Variants in SLIT3 observed in about 807,000 individuals in gnomAD.
SLIT3 encodes the protein slit guidance ligand 3.
In SLIT3, 68 loss-of-function variants were observed where a neutral mutation model predicts 184.0. The observed-to-expected ratio is 0.37, with a 90% CI of 0.30 to 0.45. The LOEUF (loss-of-function observed/expected upper bound fraction) is 0.45. SLIT3 is among the 20% of genes least tolerant of loss of function. The pLI is 1.00. For synonymous variants in SLIT3, 831 were observed against 828.6 expected (o/e 1.00, Z -0.05); for missense variants, 1,707 against 2,026.0 (o/e 0.84, Z 3.02).
At chr5:168,971,515 T>G (rs1189520491) in intron 4 of SLIT3, among the ~76,000 whole-genome samples, 1 of 152,218 alleles carries the variant, frequency 6.6e-6, no homozygotes, top group Non-Finnish European at 1.5e-5. Flanking sequence ...GATCTGCCCC[T>G]TCCCACTCCC....
chr5:169,153,153 T>C (rs968382093), intron 4 of SLIT3, among the ~76,000 whole-genome samples: 3 of 152,214 alleles, frequency 2.0e-5, no homozygotes, highest in African/African-American at 7.2e-5. Flanking sequence ...AGCAGGATAC[T>C]GACAAGTCGC....
intron 20 of SLIT3, among the ~76,000 whole-genome samples, chr5:168,727,010 CAAAA>C (rs56207322): frequency 1.0e-5 from 1 of 97,872 alleles, no homozygotes; most frequent in African/African-American, 4.0e-5. Flanking sequence ...GACTGTGTCT[CAAAA>C]AAAAAAAAAA....
At chr5:169,141,556 G>A (rs540583061) in intron 4 of SLIT3, among the ~76,000 whole-genome samples, 7 of 151,804 alleles carry the variant, frequency 4.6e-5, no homozygotes, top group East Asian at 1.9e-4. Context: ...TGGCTAACAC[G>A]GTGAAACCCT....
At chr5:168,765,705 A>G (rs1377089879) in intron 14 of SLIT3, among the ~76,000 whole-genome samples, 3 of 152,228 alleles carry the variant, frequency 2.0e-5, no homozygotes, top group Admixed American at 1.3e-4. Context: ...ACCGACTGCA[A>G]TAGGCTGTTG....
chr5:169,080,706 G>A (rs1037199579), intron 4 of SLIT3, among the ~76,000 whole-genome samples: 5 of 152,082 alleles, frequency 3.3e-5, no homozygotes, highest in Admixed American at 1.3e-4. Flanking sequence ...CTCTGTGGCC[G>A]GGGCTGACCT....
At chr5:168,990,505 G>A (rs1004686354) in intron 4 of SLIT3, among the ~76,000 whole-genome samples, 8 of 152,074 alleles carry the variant, frequency 5.3e-5, no homozygotes, top group African/African-American at 1.9e-4. Flanking sequence ...CAAACTTGAT[G>A]AGAATAAAAA....
intron 4 of SLIT3, among the ~76,000 whole-genome samples, chr5:169,123,727 A>G (rs1052752794): frequency 6.6e-6 from 1 of 152,206 alleles, no homozygotes; most frequent in South Asian, 2.1e-4. Flanking sequence ...TATGATCCTG[A>G]AGACAAGGCA....
At chr5:168,786,071 G>C in intron 11 of SLIT3, 93 bp from the exon 12 acceptor site, 1 of 837,620 alleles carries the variant, frequency 1.2e-6, no homozygotes, top group South Asian at 1.5e-5. Context: ...CCAGTTCTGG[G>C]TATGAGATCT....
chr5:168,996,481 C>G (rs1344463704), intron 4 of SLIT3, among the ~76,000 whole-genome samples: 1 of 152,206 alleles, frequency 6.6e-6, no homozygotes, highest in African/African-American at 2.4e-5. Flanking sequence ...TGCCCCAAAC[C>G]TATGCAAAAG....
intron 4 of SLIT3, among the ~76,000 whole-genome samples, chr5:169,035,415 C>A (rs1304658306): frequency 6.6e-6 from 1 of 151,886 alleles, no homozygotes. Flanking sequence ...TTTGGGAGGC[C>A]GAGGCAGGTG....
At chr5:168,816,273 A>G (rs1245213931) in intron 8 of SLIT3, among the ~76,000 whole-genome samples, 1 of 151,978 alleles carries the variant, frequency 6.6e-6, no homozygotes, top group African/African-American at 2.4e-5. Context: ...TACAGTCTCC[A>G]CCTCCCAGGT....
rs190199222 is a variant in SLIT3 at position 168,766,220 on chromosome 5, T to A, written c.1460-3531A>T. On this transcript the variant is annotated intron_variant, in intron 14 of 35. Coordinates refer to ENST00000519560, the MANE Select transcript of SLIT3 (RefSeq NM_003062.4). ...TGTTATCTGATCATCATGGACTTGC[T>A]AACTCATGTTTCCAGAGCTCTCCTC... Among the ~76,000 whole-genome samples the A allele has an allele frequency of 3.2e-3, 481 of 152,304 alleles. 2 individuals are homozygous for A. Among genetic ancestry groups the A allele is most frequent in the Non-Finnish European group, 4.4e-3 (298 of 68,020 alleles).
chr5:168,817,297 C>G lies in SLIT3; in HGVS notation c.793+3G>C. On this transcript the variant is annotated splice_donor_region_variant and intron_variant, in intron 8 of 35. Transcript: ENST00000519560. The stretch of plus-strand genomic sequence containing the variant: ...GAGGGGAGAGCAGGTAAAGCATCCT[C>G]ACCTGGGCACACGTACTCCTTCTTC... 6.2e-7 allele frequency: 1 copy of G among 1,613,836 alleles called. No homozygotes were observed. The highest frequency in any genetic ancestry group is 8.5e-7 in the Non-Finnish European group (1 of 1,179,762).
intron 32 of SLIT3, among the ~76,000 whole-genome samples, chr5:168,681,326 G>C (rs72839507): frequency 0.15 from 23,381 of 152,220 alleles, 2,396 homozygotes; most frequent in Non-Finnish European, 0.22. Flanking sequence ...CTAGCCCAGG[G>C]TCTGGCCCAA....
chr5:168,776,879 T>C (rs1755770072), intron 12 of SLIT3, among the ~76,000 whole-genome samples: 1 of 152,118 alleles, frequency 6.6e-6, no homozygotes, highest in Non-Finnish European at 1.5e-5. Flanking sequence ...GTTCTAAACC[T>C]TGACATTCAG....
intron 4 of SLIT3, among the ~76,000 whole-genome samples, chr5:169,021,056 A>C (rs573120114): frequency 1.3e-5 from 2 of 152,206 alleles, no homozygotes; most frequent in Non-Finnish European, 2.9e-5. Flanking sequence ...CCTTCTAGAA[A>C]TGAGCTATGT....
At chr5:169,268,249 T>A (rs2113626363) in intron 1 of SLIT3, among the ~76,000 whole-genome samples, 1 of 152,296 alleles carries the variant, frequency 6.6e-6, no homozygotes, top group Admixed American at 6.5e-5. Context: ...TGCAACTTGG[T>A]GCTAACACCA....
chr5:168,846,494 T>A (rs1465193281), intron 5 of SLIT3, among the ~76,000 whole-genome samples: 2 of 152,152 alleles, frequency 1.3e-5, no homozygotes, highest in Non-Finnish European at 2.9e-5. Flanking sequence ...AGCTTCTAGA[T>A]TTATCATCAG....
At chr5:169,236,343 C>T (rs1423778882) in intron 3 of SLIT3, among the ~76,000 whole-genome samples, 1 of 152,124 alleles carries the variant, frequency 6.6e-6, no homozygotes, top group East Asian at 1.9e-4. Flanking sequence ...ACCATTTTTC[C>T]AAGACGCTTT....
Sources: allele counts gnomAD v4.1 joint callset (sites outside exome capture counted in the v4.1 genomes callset), GRCh38; gene constraint gnomAD v4.1.1; transcripts MANE v1.5; gene names NCBI Gene and HGNC (gene_info 2026-07-23, HGNC 2026-07-21).